The following PCBP3 variants were observed in gnomAD, a reference collection of about 807,000 sequenced individuals.
The protein encoded by PCBP3 is poly(rC) binding protein 3, also known as poly(rC)-binding protein 3.
PCBP3 carries 25 observed loss-of-function variants against 52.7 expected under a neutral mutation model. The observed-to-expected ratio is 0.47, with a 90% CI of 0.35 to 0.66. The LOEUF is 0.66. PCBP3 is among the 30% of genes least tolerant of loss of function. The pLI is 0.01. For missense variants in PCBP3, 391 were observed against 490.3 expected (o/e 0.80, Z 1.91); for synonymous variants, 162 against 183.0 (o/e 0.89, Z 0.93).
At chr21:45,798,744 A>G (rs1272903309) in intron 4 of PCBP3, among the ~76,000 whole-genome samples, 12 of 147,898 alleles carry the variant, frequency 8.1e-5, no homozygotes, top group African/African-American at 2.3e-4. Flanking sequence ...GCATGGATCC[A>G]TAGAGAGAGT....
intron 1 of PCBP3, among the ~76,000 whole-genome samples, chr21:45,666,714 T>C (rs1569094153): frequency 6.6e-6 from 1 of 152,024 alleles, no homozygotes; most frequent in Non-Finnish European, 1.5e-5. Context: ...AGAAATCCGC[T>C]ATTGTTCTTA....
intron 4 of PCBP3, among the ~76,000 whole-genome samples, chr21:45,838,703 CA>C (rs1389407414): frequency 6.6e-6 from 1 of 151,788 alleles, no homozygotes; most frequent in African/African-American, 2.4e-5. Flanking sequence ...AGAATAATAC[CA>C]ATATTATGAT....
At chr21:45,683,875 G>A (rs2081998874) in intron 2 of PCBP3, among the ~76,000 whole-genome samples, 2 of 151,624 alleles carry the variant, frequency 1.3e-5, no homozygotes, top group South Asian at 2.1e-4. Flanking sequence ...GCAGTGAGCC[G>A]AGATCGTGCC....
intron 11 of PCBP3, chr21:45,911,373 C>G: frequency 6.4e-5 from 13 of 202,668 alleles, no homozygotes; most frequent in South Asian, 1.7e-4. Context: ...GTGCTCTTTA[C>G]GTTGGAGTCA....
At chr21:45,795,752 A>T (rs1372628851) in intron 4 of PCBP3, among the ~76,000 whole-genome samples, 2 of 152,376 alleles carry the variant, frequency 1.3e-5, no homozygotes, top group African/African-American at 4.8e-5. Context: ...TTAATACAGT[A>T]GAGCATGGAA....
intron 4 of PCBP3, among the ~76,000 whole-genome samples, chr21:45,767,858 C>T (rs1434687800): frequency 6.6e-6 from 1 of 152,208 alleles, no homozygotes; most frequent in Non-Finnish European, 1.5e-5. Context: ...GAGGAGGGGG[C>T]CTGTGCTGGT....
intron 4 of PCBP3, among the ~76,000 whole-genome samples, chr21:45,841,019 C>T (rs531478026): frequency 2.0e-5 from 3 of 152,302 alleles, no homozygotes; most frequent in South Asian, 4.1e-4. Flanking sequence ...CTACAGTATT[C>T]AGTACAGTCA....
intron 13 of PCBP3, among the ~76,000 whole-genome samples, chr21:45,923,885 A>G (rs76990529): frequency 0.11 from 3,676 of 33,704 alleles, 166 homozygotes; most frequent in African/African-American, 0.22. Context: ...TCGGGTGTGC[A>G]CGAGGAGATG....
rs1448364993 is a variant in PCBP3 at position 45,917,892 on chromosome 21, G to T, written c.717+263G>T. On this transcript the variant is annotated intron_variant, in intron 13 of 17. Transcript: ENST00000681687. The surrounding 1 kb of genome is among the most constrained non-coding windows in gnomAD (Gnocchi z 5.3). ...CCTGGGTTTTCCTCCCTCCCACGGGGCCTGGGAGGGAACTGAGACGGGCTC... is the reference window on the plus strand; with the variant it reads ...CCTGGGTTTTCCTCCCTCCCACGGGTCCTGGGAGGGAACTGAGACGGGCTC... 14 of 500,548 alleles carry T rather than the reference G, an allele frequency of 2.8e-5. No homozygotes were observed. The highest frequency in any genetic ancestry group is 4.5e-5 in the Non-Finnish European group (12 of 269,342). 31.0% of individuals were successfully genotyped at this position (500,548 alleles called of 1,614,324 possible).
intron 5 of PCBP3, among the ~76,000 whole-genome samples, chr21:45,894,204 G>C (rs1233117106): frequency 1.3e-5 from 2 of 152,204 alleles, no homozygotes; most frequent in Non-Finnish European, 2.9e-5. Flanking sequence ...AATGAAGAGA[G>C]GCACAGGCTG....
chr21:45,648,124 T>C (rs2079441033), intron 1 of PCBP3, among the ~76,000 whole-genome samples: 1 of 152,214 alleles, frequency 6.6e-6, no homozygotes, highest in African/African-American at 2.4e-5. Context: ...AATGCAGTCC[T>C]TGGTTTCTAG....
chr21:45,804,176 T>C (rs2092413247), intron 4 of PCBP3, among the ~76,000 whole-genome samples: 1 of 152,318 alleles, frequency 6.6e-6, no homozygotes, highest in East Asian at 1.9e-4. Context: ...GCTGTTTCGC[T>C]TGGCACCTAC....
intron 1 of PCBP3, among the ~76,000 whole-genome samples, chr21:45,647,112 A>G (rs147015349): frequency 2.0e-5 from 3 of 152,326 alleles, no homozygotes; most frequent in South Asian, 4.1e-4. Context: ...GAGATGTCAC[A>G]TGGTAGTAAG....
intron 4 of PCBP3, among the ~76,000 whole-genome samples, chr21:45,808,387 A>C (rs1228394690): frequency 1.3e-5 from 2 of 152,270 alleles, no homozygotes; most frequent in African/African-American, 4.8e-5. Context: ...AAAGGATATG[A>C]ACAGTCACTT....
At chr21:45,652,849 G>A (rs192524668) in intron 1 of PCBP3, among the ~76,000 whole-genome samples, 1 of 152,044 alleles carries the variant, frequency 6.6e-6, no homozygotes, top group East Asian at 1.9e-4. Flanking sequence ...TGAGATGAAT[G>A]CTTAATTTAT....
intron 2 of PCBP3, among the ~76,000 whole-genome samples, chr21:45,702,474 A>G (rs1263173651): frequency 6.6e-6 from 1 of 152,240 alleles, no homozygotes; most frequent in East Asian, 1.9e-4. Context: ...AGCAAGTCAC[A>G]TGAATTTTTT....
chr21:45,834,900 G>A (rs558716897), intron 4 of PCBP3, among the ~76,000 whole-genome samples: 172 of 152,352 alleles, frequency 1.1e-3, no homozygotes, highest in African/African-American at 3.8e-3. Flanking sequence ...GGAGGCCTGC[G>A]GCAGCAGGAA....
At chr21:45,799,734 C>T (rs1428579739) in intron 4 of PCBP3, among the ~76,000 whole-genome samples, 1 of 152,060 alleles carries the variant, frequency 6.6e-6, no homozygotes, top group Non-Finnish European at 1.5e-5. Context: ...CACGGCAGGG[C>T]CACCCAGAGC....
intron 13 of PCBP3, among the ~76,000 whole-genome samples, chr21:45,925,294 T>C (rs2075249279): frequency 6.6e-6 from 1 of 152,106 alleles, no homozygotes; most frequent in Non-Finnish European, 1.5e-5. Context: ...CATGTTAAAG[T>C]TTCAATGACC....
Sources: gnomAD v4.1 joint callset for allele counts (sites outside exome capture counted in the v4.1 genomes callset) on GRCh38, gnomAD v4.1.1 for gene constraint, Gnocchi (gnomAD v3.1) non-coding constraint, MANE v1.5 for transcripts, NCBI Gene and HGNC (gene_info 2026-07-23, HGNC 2026-07-21) for gene names.